The following ANKS1B variants were observed in gnomAD, a reference collection of about 807,000 sequenced individuals.
ANKS1B encodes the protein ankyrin repeat and sterile alpha motif domain containing 1B.
ANKS1B carries 36 observed loss-of-function variants against 148.3 expected under a neutral mutation model. That is an observed-to-expected ratio of 0.24 (90% CI 0.19 to 0.32). The LOEUF is 0.32. Ranked by LOEUF, ANKS1B falls within the 10% of genes least tolerant of loss-of-function variation. The probability of loss-of-function intolerance (pLI) is 1.00; values close to 1 mark genes in which losing one functional copy is unlikely to be tolerated. For missense variants in ANKS1B, 1,157 were observed against 1,542.6 expected, an observed-to-expected ratio of 0.75 and a Z score of 4.19; for synonymous variants, 542 against 560.8, an observed-to-expected ratio of 0.97 and a Z score of 0.47.
chr12:99,690,072 ACAGGGCGG>A (rs1177875823), intron 8 of ANKS1B, among the ~76,000 whole-genome samples: 1 of 152,188 alleles, frequency 6.6e-6, no homozygotes. Flanking sequence ...CACTTTCTTC[ACAGGGCGG>A]CAGGACAGAG....
At chr12:99,342,208 A>G (rs1320974262) in intron 12 of ANKS1B, among the ~76,000 whole-genome samples, 2 of 152,078 alleles carry the variant, frequency 1.3e-5, no homozygotes, top group Non-Finnish European at 2.9e-5. Flanking sequence ...TGAAAATAAG[A>G]GAGCATTTAA....
At chr12:99,955,117 C>T (rs2095296255) in intron 1 of ANKS1B, among the ~76,000 whole-genome samples, 1 of 152,110 alleles carries the variant, frequency 6.6e-6, no homozygotes, top group Non-Finnish European at 1.5e-5. Flanking sequence ...CCAAAACTCC[C>T]CAGGCTTGTT....
chr12:99,294,804 C>A (rs1265648103), intron 12 of ANKS1B, among the ~76,000 whole-genome samples: 1 of 152,118 alleles, frequency 6.6e-6, no homozygotes, highest in African/African-American at 2.4e-5. Flanking sequence ...CAGGCATGTG[C>A]CACCACGCCC....
At chr12:99,548,890 A>G (rs1041952027) in intron 9 of ANKS1B, among the ~76,000 whole-genome samples, 4 of 152,184 alleles carry the variant, frequency 2.6e-5, no homozygotes, top group African/African-American at 4.8e-5. Flanking sequence ...TGCCAGGTGC[A>G]TAAGTGTAGG....
intron 9 of ANKS1B, among the ~76,000 whole-genome samples, chr12:99,577,341 A>T (rs2097528789): frequency 6.7e-6 from 1 of 150,100 alleles, no homozygotes; most frequent in Non-Finnish European, 1.5e-5. Flanking sequence ...ATAAAAGCAA[A>T]CCAACCCCGA....
chr12:99,122,514 C>G (rs1056527253), intron 15 of ANKS1B, among the ~76,000 whole-genome samples: 1 of 152,200 alleles, frequency 6.6e-6, no homozygotes, highest in Non-Finnish European at 1.5e-5. Flanking sequence ...TTTCGAGTAA[C>G]TAATACAATT....
At chr12:99,397,600 C>G (rs2094288119) in intron 12 of ANKS1B, among the ~76,000 whole-genome samples, 1 of 152,088 alleles carries the variant, frequency 6.6e-6, no homozygotes, top group African/African-American at 2.4e-5. Flanking sequence ...GGTTTGAGTT[C>G]ATACCAGAAC....
rs188085429 is a variant in ANKS1B at position 98,800,379 on chromosome 12, A to G, written c.3270+618T>C. 1.8e-4 allele frequency among the ~76,000 whole-genome samples: 28 copies of G among 152,226 alleles called. No individual in the cohort carries two copies. In the East Asian group the frequency reaches 5.0e-3, roughly 27 times the overall value. On this transcript the variant is annotated intron_variant, in intron 21 of 26. Transcript: ENST00000683438. ...GTTTCTTTTTAAGAGAGGCAGTTTCAATGCACTGCTGAAGGTTCAGCCACT... is the reference window on the plus strand; with the variant it reads ...GTTTCTTTTTAAGAGAGGCAGTTTCGATGCACTGCTGAAGGTTCAGCCACT...
At chr12:99,280,780 G>C (rs1041122802) in intron 12 of ANKS1B, among the ~76,000 whole-genome samples, 1 of 151,966 alleles carries the variant, frequency 6.6e-6, no homozygotes, top group East Asian at 1.9e-4. Context: ...CCAGCTTGCT[G>C]ACTGCAGATC....
intron 8 of ANKS1B, among the ~76,000 whole-genome samples, chr12:99,691,946 G>T (rs752283730): frequency 6.6e-6 from 1 of 152,248 alleles, no homozygotes; most frequent in South Asian, 2.1e-4. Flanking sequence ...TGTTTAAGAG[G>T]CAAGAACAAC....
In ANKS1B at chr12:99,944,660, T is replaced by G. The variant is rs907138450; in HGVS notation, c.134+39444A>C. ...GATTTCTTACAAGTTGCAGGACCTC[T>G]CCAAGATTCTTAATCTATAAGGACT... On this transcript the variant is annotated intron_variant, in intron 1 of 26. Coordinates refer to ENST00000683438, the MANE Select transcript of ANKS1B (RefSeq NM_001352186.2). Among the ~76,000 whole-genome samples, 7 of 152,274 alleles carry G rather than the reference T, an allele frequency of 4.6e-5. No homozygotes were observed. The East Asian group carries it at 1.2e-3, about 25-fold the overall frequency.
intron 1 of ANKS1B, among the ~76,000 whole-genome samples, chr12:99,955,545 A>T (rs1317422483): frequency 7.0e-6 from 1 of 142,444 alleles, no homozygotes; most frequent in East Asian, 2.0e-4. Context: ...CTCCTGTCTA[A>T]CTTTGGAGTC....
intron 14 of ANKS1B, among the ~76,000 whole-genome samples, chr12:99,169,036 A>G (rs1440380145): frequency 6.6e-6 from 1 of 152,144 alleles, no homozygotes; most frequent in Non-Finnish European, 1.5e-5. Context: ...TAGGGGGAAA[A>G]TACTTCTTTT....
At chr12:99,719,512 C>G (rs1260093131) in intron 8 of ANKS1B, among the ~76,000 whole-genome samples, 2 of 152,196 alleles carry the variant, frequency 1.3e-5, no homozygotes, top group Non-Finnish European at 1.5e-5. Flanking sequence ...TCGCCACTCA[C>G]CAGCAAAGGC....
At chr12:99,051,093 GATCCCCA>G (rs1490659741) in intron 17 of ANKS1B, among the ~76,000 whole-genome samples, 2 of 152,158 alleles carry the variant, frequency 1.3e-5, no homozygotes, top group Non-Finnish European at 2.9e-5. Context: ...CAGGGGCCGT[GATCCCCA>G]TAGTCACTGC....
intron 10 of ANKS1B, among the ~76,000 whole-genome samples, chr12:99,479,924 A>G (rs2096383954): frequency 1.3e-5 from 2 of 151,902 alleles, no homozygotes; most frequent in Non-Finnish European, 2.9e-5. Context: ...TAGGTATGTG[A>G]GGTGATGGAT....
chr12:99,851,884 A>G (rs893580066), intron 1 of ANKS1B, among the ~76,000 whole-genome samples: 3 of 152,202 alleles, frequency 2.0e-5, no homozygotes, highest in African/African-American at 7.2e-5. Context: ...TTTAGGGTAA[A>G]GCAGAGTCAC....
intron 14 of ANKS1B, among the ~76,000 whole-genome samples, chr12:99,206,153 T>C (rs1028070027): frequency 6.6e-6 from 1 of 152,148 alleles, no homozygotes; most frequent in African/African-American, 2.4e-5. Flanking sequence ...GTGAAAGCAT[T>C]ATATAACCCA....
At chr12:99,266,883 A>G (rs1342237788) in intron 12 of ANKS1B, among the ~76,000 whole-genome samples, 1 of 152,108 alleles carries the variant, frequency 6.6e-6, no homozygotes. Flanking sequence ...TGTGTTCTTG[A>G]TGTTTGCTAG....
Sources: gnomAD v4.1 joint callset for allele counts (sites outside exome capture counted in the v4.1 genomes callset) on GRCh38, gnomAD v4.1.1 for gene constraint, MANE v1.5 for transcripts, NCBI Gene and HGNC (gene_info 2026-07-23, HGNC 2026-07-21) for gene names.